ARHGAP35: variants seen among roughly 807,000 people sequenced by gnomAD.
ARHGAP35 encodes the protein Rho GTPase activating protein 35, also known as rho GTPase-activating protein 35.
Under a neutral mutation model 111.1 loss-of-function variants are expected in ARHGAP35, and 15 were observed. The observed-to-expected ratio is 0.13, with a 90% CI of 0.09 to 0.21. ARHGAP35 has a LOEUF of 0.21. Among genes scored for constraint, ARHGAP35 ranks in the 10% least tolerant of loss-of-function variants. ARHGAP35 has a pLI of 1.00. For missense variants in ARHGAP35, 1,262 were observed against 1,873.0 expected, an observed-to-expected ratio of 0.67 and a Z score of 6.02; for synonymous variants, 643 against 710.3, an observed-to-expected ratio of 0.91 and a Z score of 1.51.
intron 3 of ARHGAP35, among the ~76,000 whole-genome samples, chr19:46,938,722 A>G (rs2056325942): frequency 6.7e-6 from 1 of 149,566 alleles, no homozygotes; most frequent in African/African-American, 2.5e-5. Context: ...CAGTGGCATG[A>G]TCTTGGCTCA....
intron 1 of ARHGAP35, among the ~76,000 whole-genome samples, chr19:46,883,134 G>T (rs1291580701): frequency 1.3e-5 from 2 of 151,730 alleles, no homozygotes; most frequent in Non-Finnish European, 2.9e-5. Context: ...TCGCTCTGTT[G>T]CCCAGGTTGG....
chr19:46,920,414 G>T lies in ARHGAP35; in HGVS notation c.1739G>T (p.Arg580Leu). 3.1e-6 allele frequency: 5 copies of T among 1,613,738 alleles called. No homozygotes were observed. Among genetic ancestry groups the T allele is most frequent in the Non-Finnish European group, 4.2e-6 (5 of 1,179,716 alleles). ...IEHLISSRFI[R>L]PSDRNQKNSL... is the part of the protein sequence containing the mutation. ...CACTTGATTAGTTCTCGGTTTATCC[G>T]GCCGTCTGACCGGAATCAGAAAAAT... Residue 580 changes from arginine (R) to leucine (L), a missense_variant, in exon 2 of 7, where the codon CGG becomes CTG. Physicochemically the swap from Arg to Leu is moderately radical, Grantham distance 102. Around this residue, in one of 8 missense-constraint regions of ARHGAP35, gnomAD observed 328 missense variants for 440.8 expected, o/e 0.74. Coordinates refer to ENST00000672722, the MANE Select transcript of ARHGAP35 (RefSeq NM_004491.5). This position sits in a 1 kb window ranked among gnomAD's most constrained non-coding sequence, Gnocchi z 7.0.
intron 3 of ARHGAP35, among the ~76,000 whole-genome samples, chr19:46,954,625 G>A (rs1489400537): frequency 3.9e-5 from 6 of 152,340 alleles, no homozygotes; most frequent in African/African-American, 1.4e-4. Flanking sequence ...GATGGTGCAA[G>A]GCCTTGTGAT....
chr19:46,934,019 T>C (rs1231410147), intron 2 of ARHGAP35, among the ~76,000 whole-genome samples: 3 of 152,250 alleles, frequency 2.0e-5, no homozygotes, highest in African/African-American at 7.2e-5. Flanking sequence ...TGATTAGGAA[T>C]AGCTTCTTTG....
chr19:46,958,139 T>A (rs1028095022), intron 3 of ARHGAP35, among the ~76,000 whole-genome samples: 5 of 152,130 alleles, frequency 3.3e-5, no homozygotes, highest in African/African-American at 1.2e-4. Flanking sequence ...ATCCCAGCAC[T>A]TTGGGAGGCC....
intron 3 of ARHGAP35, among the ~76,000 whole-genome samples, chr19:46,959,861 A>T (rs1427010867): frequency 5.9e-5 from 9 of 152,018 alleles, no homozygotes; most frequent in African/African-American, 1.9e-4. Flanking sequence ...GCTGGGAGGC[A>T]GAGGGGCTAG....
chr19:46,990,061 G>C (rs1028717999), intron 5 of ARHGAP35, among the ~76,000 whole-genome samples: 3 of 152,218 alleles, frequency 2.0e-5, no homozygotes, highest in Admixed American at 6.5e-5. Context: ...GTGAGGCTGT[G>C]AATAGCCTAT....
intron 1 of ARHGAP35, among the ~76,000 whole-genome samples, chr19:46,884,335 G>C (rs2055981595): frequency 6.6e-6 from 1 of 151,898 alleles, no homozygotes; most frequent in African/African-American, 2.4e-5. Flanking sequence ...CAGAATAAAG[G>C]ATATCCCTTC....
Position 46,861,084 on chromosome 19 carries a change from C to CGCCGCCGGA in ARHGAP35, c.-306_-298dup, listed in dbSNP as rs1339281519. On this transcript the variant is annotated 5_prime_UTR_variant, in exon 1 of 7. Transcript: ENST00000672722. Reference sequence around the variant, plus strand: ...GCGAGGGAGGGTCCGCCCGGCCCCCCGCCGCCGGAGCCGCCGCCGCCGCCT... The same window carrying CGCCGCCGGA: ...GCGAGGGAGGGTCCGCCCGGCCCCCCGCCGCCGGAGCCGCCGGAGCCGCCGCCGCCGCCT... Among the ~76,000 whole-genome samples, 2 of 148,258 alleles carry CGCCGCCGGA rather than the reference C, an allele frequency of 1.3e-5. No individual in the cohort carries two copies. The highest frequency in any genetic ancestry group is 5.2e-5 in the African/African-American group (2 of 38,746).
At position 46,888,540 on chromosome 19, in the gene ARHGAP35, A is replaced by ATT. The variant is rs141774575; in HGVS notation, c.-189+27334_-189+27335dup. On this transcript the variant is annotated intron_variant, in intron 1 of 6. Coordinates refer to ENST00000672722, the MANE Select transcript of ARHGAP35 (RefSeq NM_004491.5). ...CAGCACCATAAAGGTGAGAAAGCAC[A>ATT]TTTTGTAAGGCTTATTCTTATATTT... Among the ~76,000 whole-genome samples the ATT allele has an allele frequency of 4.6e-4, 69 of 150,854 alleles. 1 individual carries two copies. The East Asian group carries it at 0.011, about 25-fold the overall frequency.
At chr19:46,929,914 C>CAA (rs550047007) in intron 2 of ARHGAP35, among the ~76,000 whole-genome samples, 9 of 117,452 alleles carry the variant, frequency 7.7e-5, no homozygotes, top group South Asian at 2.6e-4. Context: ...AACTCCATCT[C>CAA]AAAAAAAAAA....
At chr19:46,979,758 T>C (rs973874332) in intron 3 of ARHGAP35, among the ~76,000 whole-genome samples, 1 of 152,102 alleles carries the variant, frequency 6.6e-6, no homozygotes. Context: ...TCACACCCAG[T>C]CAAGTCATCG....
chr19:46,899,179 TA>T (rs1283523990), intron 1 of ARHGAP35, among the ~76,000 whole-genome samples: 6 of 152,120 alleles, frequency 3.9e-5, no homozygotes, highest in African/African-American at 1.4e-4. Context: ...GAGAAGGCAT[TA>T]TTTTACACTG....
intron 1 of ARHGAP35, among the ~76,000 whole-genome samples, chr19:46,868,440 G>A (rs963591673): frequency 2.0e-5 from 3 of 152,152 alleles, no homozygotes; most frequent in Non-Finnish European, 4.4e-5. Flanking sequence ...CTGGCTCCTT[G>A]GGATGTGATC....
chr19:46,950,647 G>A (rs578208766), intron 3 of ARHGAP35, among the ~76,000 whole-genome samples: 2 of 152,322 alleles, frequency 1.3e-5, no homozygotes, highest in South Asian at 2.1e-4. Flanking sequence ...GGCAGGGTGA[G>A]TGTGGGTTCC....
chr19:46,952,961 T>C (rs890978406), intron 3 of ARHGAP35, among the ~76,000 whole-genome samples: 29 of 152,342 alleles, frequency 1.9e-4, no homozygotes, highest in Middle Eastern at 3.4e-3. Flanking sequence ...ATTACAGGCA[T>C]GAGCCACCAT....
intron 3 of ARHGAP35, among the ~76,000 whole-genome samples, chr19:46,960,989 A>T (rs1455236754): frequency 6.6e-6 from 1 of 150,464 alleles, no homozygotes; most frequent in Non-Finnish European, 1.5e-5. Flanking sequence ...CCACCTCCCG[A>T]GTTCAAGCGA....
At chr19:46,960,515 A>G (rs8102896) in intron 3 of ARHGAP35, among the ~76,000 whole-genome samples, 36,969 of 152,058 alleles carry the variant, frequency 0.24, 4,727 homozygotes, top group Middle Eastern at 0.29. Context: ...CTTATTAGAG[A>G]ACAGATTGGA....
intron 3 of ARHGAP35, among the ~76,000 whole-genome samples, chr19:46,950,360 G>A (rs1281419758): frequency 1.3e-5 from 2 of 152,174 alleles, no homozygotes; most frequent in Non-Finnish European, 2.9e-5. Flanking sequence ...GTTTGGGGCA[G>A]TTATGAATAG....
Sources: gnomAD v4.1 joint callset for allele counts (sites outside exome capture counted in the v4.1 genomes callset) on GRCh38, gnomAD v4.1.1 for gene constraint, gnomAD v4.1.1 regional missense constraint, Gnocchi (gnomAD v3.1) non-coding constraint, MANE v1.5 for transcripts, NCBI Gene and HGNC (gene_info 2026-07-23, HGNC 2026-07-21) for gene names.